The following ZBTB7B variants were observed in gnomAD, a reference collection of about 807,000 sequenced individuals.
ZBTB7B encodes zinc finger and BTB domain containing 7B, also known as zinc finger and BTB domain-containing protein 7B.
Under a neutral mutation model 31.0 loss-of-function variants are expected in ZBTB7B, and 8 were observed. The ratio of observed to expected loss-of-function variants is 0.26; its 90% confidence interval spans 0.15 to 0.47. The LOEUF is 0.47. Among genes scored for constraint, ZBTB7B ranks in the 20% least tolerant of loss-of-function variants. The pLI is 0.99. For synonymous variants in ZBTB7B, 261 were observed against 307.3 expected, an observed-to-expected ratio of 0.85 and a Z score of 1.58; for missense variants, 494 against 742.4, an observed-to-expected ratio of 0.67 and a Z score of 3.89.
Position 155,018,366 on chromosome 1 carries a change from A to C in ZBTB7B, c.*1681A>C, listed in dbSNP as rs575823382. The stretch of plus-strand genomic sequence containing the variant: ...GGAGACCTGGGGCCCAGCCCCAGAA[A>C]GTGGGGACAATGTGGCCTCCCTTCT... On this transcript the variant is annotated 3_prime_UTR_variant, in exon 3 of 3. Transcript: ENST00000535420. The C allele has an allele frequency of 1.6e-6, 1 of 643,956 alleles. No individual in the cohort carries two copies. Among genetic ancestry groups the C allele is most frequent in the Non-Finnish European group, 2.6e-6 (1 of 379,826 alleles). 39.9% of individuals were successfully genotyped at this position (643,956 alleles called of 1,614,324 possible).
rs2102326174 is a variant in ZBTB7B at position 155,017,907 on chromosome 1, G to A, written c.*1222G>A. 1 of 153,018 alleles carries A rather than the reference G, an allele frequency of 6.5e-6. No homozygotes were observed. 9.5% of individuals were successfully genotyped at this position (153,018 alleles called of 1,614,324 possible). ...AGAATAATCCCCACTCTGCTCTTAG[G>A]ATTGAATCCACCCCCATTCTGTACA... On this transcript the variant is annotated 3_prime_UTR_variant, in exon 3 of 3. Transcript: ENST00000535420.
Position 155,014,696 on chromosome 1 carries a change from A to G in ZBTB7B, c.36A>G (p.Pro12=). Residue 12 remains proline (P), a synonymous_variant, in exon 2 of 3, where the codon CCA becomes CCG. Transcript: ENST00000535420. ...CCGAGGATGACCTGATTGGGATTCC[A>G]TTCCCGGACCACAGCAGTGAGCTCC... ...GSPEDDLIGI[P]FPDHSSELLS... is the part of the protein sequence containing the mutation. 6.2e-7 allele frequency: 1 copy of G among 1,614,038 alleles called. No individual in the cohort carries two copies. The highest frequency in any genetic ancestry group is 1.1e-5 in the South Asian group (1 of 91,078).
intron 1 of ZBTB7B, among the ~76,000 whole-genome samples, chr1:155,008,130 C>A (rs1011506122): frequency 6.6e-6 from 1 of 152,118 alleles, no homozygotes; most frequent in African/African-American, 2.4e-5. Flanking sequence ...CCCCTCCCAG[C>A]TCCTTCCTCT....
rs1428418561 is a variant in ZBTB7B at position 155,003,199 on chromosome 1, TCTC to T, written c.-7+259_-7+261del. ...GGTCCCCAGAAAGTTTATCTGCACTTCTCCTGGGATCAGACAGACAGACGGCTT... is the reference window on the plus strand; with the variant it reads ...GGTCCCCAGAAAGTTTATCTGCACTTCTGGGATCAGACAGACAGACGGCTT... On this transcript the variant is annotated intron_variant, in intron 1 of 2. Transcript: ENST00000535420. The surrounding 1 kb of genome is among the most constrained non-coding windows in gnomAD (Gnocchi z 5.8). Among the ~76,000 whole-genome samples the T allele has an allele frequency of 6.6e-6, 1 of 152,072 alleles. No homozygotes were observed. The highest frequency in any genetic ancestry group is 2.4e-5 in the African/African-American group (1 of 41,406).
rs186950651 is a variant in ZBTB7B, at chr1:155,014,036, C to T, written c.-6-619C>T. 3.9e-4 allele frequency: 389 copies of T among 985,974 alleles called. 1 individual carries two copies. The highest frequency in any genetic ancestry group is 4.3e-4 in the Non-Finnish European group (358 of 830,374). The allele number at this position is 985,974 out of a possible 1,614,324, so 61.1% of individuals were successfully genotyped here. On this transcript the variant is annotated intron_variant, in intron 1 of 2. Coordinates refer to ENST00000535420, the MANE Select transcript of ZBTB7B (RefSeq NM_001256455.2). ...ACAGTGTCCTAACCGCTTTGGAGAGCGATAACTTGAGTTAAAGCACCTGTC... is the reference window on the plus strand; with the variant it reads ...ACAGTGTCCTAACCGCTTTGGAGAGTGATAACTTGAGTTAAAGCACCTGTC...
At chr1:155,011,041 G>A in intron 1 of ZBTB7B, 1 of 1,519,850 alleles carries the variant, frequency 6.6e-7, no homozygotes, top group South Asian at 1.2e-5. Flanking sequence ...CCTGGGGAGG[G>A]GGGGCTCTGC....
At position 155,016,782 on chromosome 1, in the gene ZBTB7B, C is replaced by T. The variant is rs945801413; in HGVS notation, c.*97C>T. 2.0e-5 allele frequency: 14 copies of T among 704,204 alleles called. No individual in the cohort carries two copies. The highest frequency in any genetic ancestry group is 4.0e-5 in the South Asian group (2 of 50,612). 43.6% of individuals were successfully genotyped at this position (704,204 alleles called of 1,614,324 possible). ...ACAGACACAGCAGGGGTCTGGGGCA[C>T]GGAGCCTTGCTGGCATCAGCATCAG... is the stretch of plus-strand genomic sequence containing the variant. On this transcript the variant is annotated 3_prime_UTR_variant, in exon 3 of 3. Transcript: ENST00000535420. This position sits in a 1 kb window ranked among gnomAD's most constrained non-coding sequence, Gnocchi z 4.3.
rs1466346371 is a variant in ZBTB7B at position 155,017,341 on chromosome 1, T to TGCCCCTGGGGGCAGTAGAGGG, written c.*662_*682dup. 2.9e-5 allele frequency: 3 copies of TGCCCCTGGGGGCAGTAGAGGG among 102,032 alleles called. No homozygotes were observed. The highest frequency in any genetic ancestry group is 7.3e-5 in the Non-Finnish European group (3 of 41,132). 6.3% of individuals were successfully genotyped at this position (102,032 alleles called of 1,614,324 possible). On this transcript the variant is annotated 3_prime_UTR_variant, in exon 3 of 3. Transcript: ENST00000535420. Reference sequence around the variant, plus strand: ...GGCGGGGTGGCCTGATTGGCTCGCCTGCCCCTGGGGGCAGTAGAGGGGCCC... The same window carrying TGCCCCTGGGGGCAGTAGAGGG: ...GGCGGGGTGGCCTGATTGGCTCGCCTGCCCCTGGGGGCAGTAGAGGGGCCCCTGGGGGCAGTAGAGGGGCCC...
intron 1 of ZBTB7B, among the ~76,000 whole-genome samples, chr1:155,012,668 C>A (rs1192760847): frequency 2.0e-5 from 3 of 151,914 alleles, no homozygotes; most frequent in Admixed American, 2.0e-4. Flanking sequence ...GAAGGACATG[C>A]GGGTGCTGCT....
rs2242194 is a variant in ZBTB7B at position 155,017,821 on chromosome 1, C to G, written c.*1136C>G. 0.42 allele frequency: 64,405 copies of G among 152,238 alleles called. 14,736 individuals are homozygous for G. The highest frequency in any genetic ancestry group is 0.9 in the East Asian group (4,674 of 5,198). 9.4% of individuals were successfully genotyped at this position (152,238 alleles called of 1,614,324 possible). A position where few individuals can be genotyped will look rare whatever the true frequency, so the allele number is the denominator to read the frequency against. ...TGGCCGCAGGGGAAGGGGCTGCGGA[C>G]CTGTGGGAAAGTGATCCCCTTCCCA... On this transcript the variant is annotated 3_prime_UTR_variant, in exon 3 of 3. Transcript: ENST00000535420.
intron 1 of ZBTB7B, among the ~76,000 whole-genome samples, chr1:155,008,163 A>G (rs767119058): frequency 1.3e-5 from 2 of 151,304 alleles, no homozygotes; most frequent in South Asian, 2.1e-4. Context: ...AGCTCCCCCA[A>G]TCTGTCTATC....
At chr1:155,011,560 G>T (rs1375557411) in intron 1 of ZBTB7B, among the ~76,000 whole-genome samples, 1 of 152,188 alleles carries the variant, frequency 6.6e-6, no homozygotes, top group Non-Finnish European at 1.5e-5. Context: ...TGGGGGGGTG[G>T]CGGGAAAGAG....
Position 155,016,571 on chromosome 1 carries a change from G to C in ZBTB7B, c.1506G>C (p.Trp502Cys), listed in dbSNP as rs1290740799. 1 of 1,613,870 alleles carries C rather than the reference G, an allele frequency of 6.2e-7. No individual in the cohort carries two copies. Among genetic ancestry groups the C allele is most frequent in the Non-Finnish European group, 8.5e-7 (1 of 1,179,916 alleles). ...TCCGCCTCTCTCTAGCTCGATTCTGGGAGCAGTCAGCCCCCACTGGGCCCC... is the reference window on the plus strand; with the variant it reads ...TCCGCCTCTCTCTAGCTCGATTCTGCGAGCAGTCAGCCCCCACTGGGCCCC... ...DTFRLSLARFWEQSAPTGPPV... is the reference protein window; with the variant it reads ...DTFRLSLARFCEQSAPTGPPV... Residue 502 changes from tryptophan to cysteine, a missense_variant, in exon 3 of 3, where the codon TGG becomes TGC. By Grantham distance (215) the Trp-to-Cys change is radical. Around this residue, in one of 5 missense-constraint regions of ZBTB7B, gnomAD observed 101 missense variants for 119.5 expected, o/e 0.85. Transcript: ENST00000535420. The surrounding 1 kb of genome is among the most constrained non-coding windows in gnomAD (Gnocchi z 4.3).
At position 155,003,614 on chromosome 1, in the gene ZBTB7B, C is replaced by A. The variant is rs1024736789; in HGVS notation, c.-7+671C>A. 6.6e-6 allele frequency among the ~76,000 whole-genome samples: 1 copy of A among 152,216 alleles called. No homozygotes were observed. The highest frequency in any genetic ancestry group is 1.5e-5 in the Non-Finnish European group (1 of 68,030). On this transcript the variant is annotated intron_variant, in intron 1 of 2. Transcript: ENST00000535420. The surrounding 1 kb of genome is among the most constrained non-coding windows in gnomAD (Gnocchi z 5.8). ...CCTTCAGGCTCCAGTCCCGCCGCTA[C>A]CTTTTCCACGCCAGCTCATGACCAC... is the stretch of plus-strand genomic sequence containing the variant.
chr1:155,015,996 G>A (rs1437026954), intron 2 of ZBTB7B, among the ~76,000 whole-genome samples, 182 bp downstream of exon 2: 1 of 152,218 alleles, frequency 6.6e-6, no homozygotes, highest in African/African-American at 2.4e-5. Context: ...TGGATCTGGA[G>A]CATGGAGGAT....
At chr1:155,011,511 G>A (rs540498127) in intron 1 of ZBTB7B, among the ~76,000 whole-genome samples, 2 of 152,370 alleles carry the variant, frequency 1.3e-5, no homozygotes, top group South Asian at 2.1e-4. Context: ...GCTGCCCACC[G>A]GCTTGGCCGG....
rs967534322 is a variant in ZBTB7B, at chr1:155,010,936, C to T, written c.-6-3719C>T. On this transcript the variant is annotated intron_variant, in intron 1 of 2. Coordinates refer to ENST00000535420, the MANE Select transcript of ZBTB7B (RefSeq NM_001256455.2). ...GGCAGGAAGATGTTACAGCCTGGTCCTCATCCTCCCTCACCCCAAGCTGCT... is the reference window on the plus strand; with the variant it reads ...GGCAGGAAGATGTTACAGCCTGGTCTTCATCCTCCCTCACCCCAAGCTGCT... 6 of 1,535,758 alleles carry T rather than the reference C, an allele frequency of 3.9e-6. No individual in the cohort carries two copies. The African/African-American group carries it at 5.5e-5, about 14-fold the overall frequency.
rs867944966 is a variant in ZBTB7B at position 155,017,013 on chromosome 1, T to A, written c.*328T>A. The stretch of plus-strand genomic sequence containing the variant: ...TCTAATTTGTGGGTCCCACTTCGGC[T>A]ATGCGGGTTTCTAGGGGGTGGGGGC... On this transcript the variant is annotated 3_prime_UTR_variant, in exon 3 of 3. Coordinates refer to ENST00000535420, the MANE Select transcript of ZBTB7B (RefSeq NM_001256455.2). The A allele has an allele frequency of 3.3e-4, 79 of 236,044 alleles. 1 individual carries two copies. The highest frequency in any genetic ancestry group is 1.7e-3 in the African/African-American group (74 of 44,560). 14.6% of individuals were successfully genotyped at this position (236,044 alleles called of 1,614,324 possible).
At chr1:155,006,560 C>T (rs1658569484) in intron 1 of ZBTB7B, among the ~76,000 whole-genome samples, 1 of 152,188 alleles carries the variant, frequency 6.6e-6, no homozygotes, top group African/African-American at 2.4e-5. Flanking sequence ...AGTGATCCCC[C>T]ATAAATATGT....
Sources: allele counts gnomAD v4.1 joint callset (sites outside exome capture counted in the v4.1 genomes callset), GRCh38; gene constraint gnomAD v4.1.1; regional missense constraint gnomAD v4.1.1; non-coding constraint Gnocchi (gnomAD v3.1); transcripts MANE v1.5; gene names NCBI Gene and HGNC (gene_info 2026-07-23, HGNC 2026-07-21).